Variants in SRPK2 observed in about 807,000 individuals in gnomAD.
SRPK2 encodes the protein SFRS protein kinase 2.
A neutral mutation model predicts 90.8 loss-of-function variants in SRPK2; 21 were observed. The observed-to-expected ratio is 0.23, with a 90% CI of 0.16 to 0.33. SRPK2 has a LOEUF of 0.33. Among genes scored for constraint, SRPK2 ranks in the 10% least tolerant of loss-of-function variants. The pLI, the probability that SRPK2 is intolerant of heterozygous loss-of-function variation, is 1.00. For missense variants in SRPK2, 620 were observed against 869.0 expected (o/e 0.71, Z 3.60); for synonymous variants, 288 against 311.1 (o/e 0.93, Z 0.78).
In SRPK2 at chr7:105,132,816, G is replaced by A. The variant is rs1802215477; in HGVS notation, c.1727C>T (p.Ala576Val). Residue 576 changes from alanine (A) to valine (V), a missense_variant, in exon 13 of 16, where the codon GCG becomes GTG. Ala to Val is a moderately conservative substitution (Grantham distance 64). Around this residue, in one of 8 missense-constraint regions of SRPK2, gnomAD observed 9 missense variants for 16.6 expected, o/e 0.54. Transcript: ENST00000393651. Reference protein sequence around the residue: ...VLIGAGYSTPADIWSTACMAF... With the variant: ...VLIGAGYSTPVDIWSTACMAF... ...CATACACGCCGTGCTCCAGATGTCC[G>A]CAGGGGTGCTGTACCCCGCTCCTAT... 5 of 1,609,652 alleles carry A rather than the reference G, an allele frequency of 3.1e-6. No homozygotes were observed. The highest frequency in any genetic ancestry group is 1.1e-5 in the South Asian group (1 of 90,402).
chr7:105,292,467 A>G (rs1002549094), intron 2 of SRPK2, among the ~76,000 whole-genome samples: 37 of 133,774 alleles, frequency 2.8e-4, no homozygotes, highest in African/African-American at 1.0e-3. Context: ...GTGCCACTAC[A>G]CTCCAGCCTG....
At chr7:105,148,400 CA>C (rs1379535196) in intron 7 of SRPK2, among the ~76,000 whole-genome samples, 1 of 152,158 alleles carries the variant, frequency 6.6e-6, no homozygotes, top group Non-Finnish European at 1.5e-5. Flanking sequence ...CAAAAACTTA[CA>C]GTGTCAGTGA....
chr7:105,167,152 T>G (rs1790175928), intron 6 of SRPK2, among the ~76,000 whole-genome samples: 1 of 152,116 alleles, frequency 6.6e-6, no homozygotes, highest in Non-Finnish European at 1.5e-5. Flanking sequence ...ACACCAAAAT[T>G]AAGTCAAGTT....
chr7:105,367,661 C>T (rs1819224436), intron 2 of SRPK2, among the ~76,000 whole-genome samples: 1 of 152,152 alleles, frequency 6.6e-6, no homozygotes, highest in Admixed American at 6.6e-5. Context: ...GCATATACTA[C>T]AGTTAATTCC....
chr7:105,129,511 A>T (rs575019261), intron 13 of SRPK2, among the ~76,000 whole-genome samples: 151 of 151,874 alleles, frequency 9.9e-4, no homozygotes, highest in African/African-American at 3.4e-3. Context: ...AGTAGCTAGG[A>T]CTATAGGCAC....
rs116075373 is a variant in SRPK2 at position 105,345,838 on chromosome 7, A to C, written c.71+42810T>G. ...TTTAAATTTAAATTAGAGTTAAATA[A>C]AATTAAAAACCGGTTCCTCAGTCAC... is the stretch of plus-strand genomic sequence containing the variant. On this transcript the variant is annotated intron_variant, in intron 2 of 15. Coordinates refer to ENST00000393651, the MANE Select transcript of SRPK2 (RefSeq NM_182692.3). Among the ~76,000 whole-genome samples the C allele has an allele frequency of 3.1e-3, 474 of 152,382 alleles. 3 individuals carry two copies. Among genetic ancestry groups the C allele is most frequent in the African/African-American group, 0.011 (454 of 41,594 alleles).
intron 2 of SRPK2, among the ~76,000 whole-genome samples, chr7:105,212,070 T>C (rs1232445931): frequency 6.6e-6 from 1 of 152,238 alleles, no homozygotes; most frequent in Non-Finnish European, 1.5e-5. Flanking sequence ...TAATTCCATA[T>C]ATTCTTTGCA....
At chr7:105,211,464 T>A (rs569551478) in intron 2 of SRPK2, among the ~76,000 whole-genome samples, 1 of 152,192 alleles carries the variant, frequency 6.6e-6, no homozygotes, top group Non-Finnish European at 1.5e-5. Flanking sequence ...TGCTGGCATC[T>A]GCTAAGCTTC....
chr7:105,125,543 G>C (rs553200915), intron 15 of SRPK2, among the ~76,000 whole-genome samples: 1 of 152,186 alleles, frequency 6.6e-6, no homozygotes, highest in African/African-American at 2.4e-5. Flanking sequence ...ATACAGATTG[G>C]TAACTTGGAG....
At chr7:105,373,102 T>C (rs1819881129) in intron 2 of SRPK2, among the ~76,000 whole-genome samples, 7 of 152,034 alleles carry the variant, frequency 4.6e-5, no homozygotes. Flanking sequence ...AAAAAATCTG[T>C]GGGTCCTATT....
chr7:105,253,792 T>C (rs1304874359), intron 2 of SRPK2, among the ~76,000 whole-genome samples: 1 of 152,172 alleles, frequency 6.6e-6, no homozygotes, highest in Non-Finnish European at 1.5e-5. Context: ...TTTATTGTAG[T>C]GCAACAAAAT....
chr7:105,208,305 G>A (rs575283543), intron 2 of SRPK2, among the ~76,000 whole-genome samples: 10 of 152,220 alleles, frequency 6.6e-5, no homozygotes, highest in African/African-American at 2.4e-4. Context: ...ATACCCAAGA[G>A]AAATGAAAGC....
intron 3 of SRPK2, among the ~76,000 whole-genome samples, chr7:105,195,072 CAG>C (rs1272177900): frequency 1.3e-5 from 2 of 152,280 alleles, no homozygotes; most frequent in South Asian, 2.1e-4. Context: ...TTTTTTGAGA[CAG>C]AGTCTCGTTC....
chr7:105,213,688 A>G (rs955332639), intron 2 of SRPK2, among the ~76,000 whole-genome samples: 1 of 152,212 alleles, frequency 6.6e-6, no homozygotes, highest in African/African-American at 2.4e-5. Flanking sequence ...CTAAAGACCC[A>G]TACGCTCTTC....
At chr7:105,243,083 A>T (rs1212366374) in intron 2 of SRPK2, among the ~76,000 whole-genome samples, 1 of 151,852 alleles carries the variant, frequency 6.6e-6, no homozygotes, top group Non-Finnish European at 1.5e-5. Context: ...CTCACCGTAG[A>T]CTCCAACTCC....
rs535206307 is a variant in SRPK2 at position 105,264,063 on chromosome 7, A to G, written c.72-60278T>C. Among the ~76,000 whole-genome samples, 4 of 152,306 alleles carry G rather than the reference A, an allele frequency of 2.6e-5. No individual in the cohort carries two copies. In the South Asian group the frequency reaches 8.3e-4, roughly 32 times the overall value. On this transcript the variant is annotated intron_variant, in intron 2 of 15. Coordinates refer to ENST00000393651, the MANE Select transcript of SRPK2 (RefSeq NM_182692.3). ...GGGGAGAAAGGGAAAACAACGAAGAAAGACCCTTTGGTTCTCCTCCTATAA... is the reference window on the plus strand; with the variant it reads ...GGGGAGAAAGGGAAAACAACGAAGAGAGACCCTTTGGTTCTCCTCCTATAA...
In SRPK2 at chr7:105,371,587, A is replaced by AG. The variant is rs34159196; in HGVS notation, c.71+17060_71+17061insC. Among the ~76,000 whole-genome samples, 33 of 6,024 alleles carry AG rather than the reference A, an allele frequency of 5.5e-3. 1 individual carries two copies. In the Admixed American group the frequency reaches 0.12, roughly 21 times the overall value. 4.0% of individuals were successfully genotyped at this position (6,024 alleles called of 152,430 possible). ...GGCAACAGTGAGACCCCATCTCTACAAAAAAAAAAAAAAAAAACACTAGTC... is the reference window on the plus strand; with the variant it reads ...GGCAACAGTGAGACCCCATCTCTACAGAAAAAAAAAAAAAAAAACACTAGTC... On this transcript the variant is annotated intron_variant, in intron 2 of 15. Coordinates refer to ENST00000393651, the MANE Select transcript of SRPK2 (RefSeq NM_182692.3).
intron 15 of SRPK2, 23 bp from the exon 16 acceptor site, chr7:105,118,045 A>G (rs1000551065): frequency 6.2e-7 from 1 of 1,607,348 alleles, no homozygotes; most frequent in Non-Finnish European, 8.5e-7. Flanking sequence ...AAACAGGCCA[A>G]TGTCAAGAAA....
intron 2 of SRPK2, among the ~76,000 whole-genome samples, chr7:105,336,637 C>A (rs1184910543): frequency 6.6e-6 from 1 of 152,110 alleles, no homozygotes; most frequent in African/African-American, 2.4e-5. Context: ...CTTTTTCATA[C>A]TACACATTGA....
Sources: gnomAD v4.1 joint callset for allele counts (sites outside exome capture counted in the v4.1 genomes callset) on GRCh38, gnomAD v4.1.1 for gene constraint, gnomAD v4.1.1 regional missense constraint, MANE v1.5 for transcripts, NCBI Gene and HGNC (gene_info 2026-07-23, HGNC 2026-07-21) for gene names.